SGCD: variants seen among roughly 807,000 people sequenced by gnomAD.
SGCD encodes delta-sarcoglycan.
SGCD carries 18 observed loss-of-function variants against 36.6 expected under a neutral mutation model. That is an observed-to-expected ratio of 0.49 (90% CI 0.34 to 0.73). The LOEUF is 0.73. Ranked by LOEUF, SGCD falls within the 30% of genes least tolerant of loss-of-function variation. The pLI is 0.01. For synonymous variants in SGCD, 133 were observed against 130.6 expected (o/e 1.02, Z -0.12); for missense variants, 387 against 346.7 (o/e 1.12, Z -0.92).
At chr5:155,848,591 C>G in the SGCD span, among the ~76,000 whole-genome samples, 91 of 152,278 alleles carry the variant, frequency 6.0e-4, no homozygotes, top group African/African-American at 2.1e-3. Flanking sequence ...CATTCTCAGA[C>G]AGATAAATTT....
At chr5:155,728,548 C>T in the SGCD span, among the ~76,000 whole-genome samples, 3 of 152,226 alleles carry the variant, frequency 2.0e-5, no homozygotes, top group Admixed American at 2.0e-4. Context: ...GCTGTCTGCT[C>T]CAGCCGCTAC....
At chr5:155,880,748 T>C (rs1561636483) in intron 1 of SGCD, among the ~76,000 whole-genome samples, 1 of 152,100 alleles carries the variant, frequency 6.6e-6, no homozygotes, top group African/African-American at 2.4e-5. Flanking sequence ...TGGATTTGCA[T>C]TTGCATTCTC....
chr5:156,389,271 A>G (rs1244415716), intron 3 of SGCD, among the ~76,000 whole-genome samples: 1 of 152,224 alleles, frequency 6.6e-6, no homozygotes, highest in East Asian at 1.9e-4. Flanking sequence ...GCTTGCCCAA[A>G]GGTGGGAAGC....
intron 3 of SGCD, among the ~76,000 whole-genome samples, chr5:156,201,620 A>G (rs1443407889): frequency 6.6e-6 from 1 of 152,156 alleles, no homozygotes; most frequent in South Asian, 2.1e-4. Flanking sequence ...AGGTAAAGCA[A>G]TGAGTGTTTC....
chr5:155,772,364 C>T, the SGCD span, among the ~76,000 whole-genome samples: 1 of 152,142 alleles, frequency 6.6e-6, no homozygotes. Flanking sequence ...TTCATCTTCA[C>T]AAAAATCTTC....
chr5:156,355,227 T>A (rs1272700400), intron 3 of SGCD, among the ~76,000 whole-genome samples: 1 of 152,212 alleles, frequency 6.6e-6, no homozygotes, highest in Non-Finnish European at 1.5e-5. Context: ...TCTTTGTGCC[T>A]CACCATACAA....
At chr5:156,132,645 T>C (rs1454192088) in intron 3 of SGCD, among the ~76,000 whole-genome samples, 1 of 151,196 alleles carries the variant, frequency 6.6e-6, no homozygotes, top group Non-Finnish European at 1.5e-5. Flanking sequence ...ATTTTTTGTA[T>C]TTTTAGTAGA....
chr5:155,736,005 T>G, the SGCD span, among the ~76,000 whole-genome samples: 1 of 152,262 alleles, frequency 6.6e-6, no homozygotes, highest in South Asian at 2.1e-4. Flanking sequence ...TAACCCTTTT[T>G]TAGATGGGAA....
At chr5:156,717,123 A>G (rs1755260522) in intron 7 of SGCD, among the ~76,000 whole-genome samples, 1 of 152,232 alleles carries the variant, frequency 6.6e-6, no homozygotes. Context: ...TGAGCAAATA[A>G]TCAGTTCAAA....
chr5:156,499,956 C>T (rs1474908237), intron 3 of SGCD, among the ~76,000 whole-genome samples: 2 of 152,130 alleles, frequency 1.3e-5, no homozygotes, highest in Non-Finnish European at 2.9e-5. Context: ...TTAACCCTCC[C>T]TTGCCCCAGA....
chr5:156,452,047 AG>A (rs1754044303), intron 3 of SGCD, among the ~76,000 whole-genome samples: 1 of 152,174 alleles, frequency 6.6e-6, no homozygotes, highest in Admixed American at 6.5e-5. Context: ...CAGTTGACTT[AG>A]GGCATGGCAG....
chr5:156,274,306 T>C (rs1766259627), intron 3 of SGCD, among the ~76,000 whole-genome samples: 1 of 152,166 alleles, frequency 6.6e-6, no homozygotes, highest in Non-Finnish European at 1.5e-5. Context: ...TCATGGTTTG[T>C]TCCCTTTATG....
intron 6 of SGCD, among the ~76,000 whole-genome samples, chr5:156,612,389 G>A (rs927243333): frequency 2.6e-5 from 4 of 152,244 alleles, no homozygotes; most frequent in Non-Finnish European, 5.9e-5. Flanking sequence ...ACATGAGTTT[G>A]TGATGGCAGT....
chr5:156,007,396 A>G (rs1758779158), intron 1 of SGCD, among the ~76,000 whole-genome samples: 2 of 152,240 alleles, frequency 1.3e-5, no homozygotes, highest in Non-Finnish European at 2.9e-5. Flanking sequence ...TGAGAGATGA[A>G]GAAAAACATT....
chr5:155,967,789 T>G (rs922342905), intron 1 of SGCD, among the ~76,000 whole-genome samples: 2 of 152,050 alleles, frequency 1.3e-5, no homozygotes, highest in African/African-American at 4.8e-5. Context: ...TCAACCCATT[T>G]CCTCTTAATT....
chr5:156,360,911 C>A (rs1050764859), intron 3 of SGCD, among the ~76,000 whole-genome samples: 1 of 152,112 alleles, frequency 6.6e-6, no homozygotes, highest in African/African-American at 2.4e-5. Flanking sequence ...GAGTAGGTAC[C>A]CAGAAAGGCT....
chr5:156,721,247 C>T (rs1431084246), intron 7 of SGCD, among the ~76,000 whole-genome samples: 2 of 152,084 alleles, frequency 1.3e-5, no homozygotes, highest in Non-Finnish European at 2.9e-5. Flanking sequence ...TAGGAGTAAT[C>T]TGTGTAGAGA....
intron 4 of SGCD, among the ~76,000 whole-genome samples, chr5:156,557,145 A>G (rs571486339): frequency 4.6e-5 from 7 of 152,276 alleles, no homozygotes; most frequent in South Asian, 4.1e-4. Context: ...GAATATTTCT[A>G]TCTTTCAAAT....
At chr5:155,855,892 G>T in the SGCD span, among the ~76,000 whole-genome samples, 1 of 152,018 alleles carries the variant, frequency 6.6e-6, no homozygotes, top group Non-Finnish European at 1.5e-5. Flanking sequence ...TAGCAGGTAA[G>T]TACATTAACA....
Sources: gnomAD v4.1 joint callset for allele counts (sites outside exome capture counted in the v4.1 genomes callset) on GRCh38, gnomAD v4.1.1 for gene constraint, MANE v1.5 for transcripts, NCBI Gene and HGNC (gene_info 2026-07-23, HGNC 2026-07-21) for gene names.